SEC14L5: variants seen among roughly 807,000 people sequenced by gnomAD.
The protein encoded by SEC14L5 is SEC14 like lipid binding 5.
SEC14L5 carries 96 observed loss-of-function variants against 84.6 expected under a neutral mutation model. The ratio of observed to expected loss-of-function variants is 1.13; its 90% CI spans 0.96 to 1.34. The LOEUF (loss-of-function observed/expected upper bound fraction) is 1.34. Among genes scored for constraint, SEC14L5 ranks in the 40% most tolerant of loss-of-function variants. The pLI is 0.00. For synonymous variants in SEC14L5, 546 were observed against 383.4 expected (o/e 1.42, Z -4.95); for missense variants, 1,224 against 942.5 (o/e 1.30, Z -3.91).
At chr16:4,992,491 A>T (rs1053786809) in intron 6 of SEC14L5, among the ~76,000 whole-genome samples, 5 of 152,174 alleles carry the variant, frequency 3.3e-5, no homozygotes, top group Non-Finnish European at 7.3e-5. Flanking sequence ...AGCTCAAGTG[A>T]TCTGCTTGCC....
In SEC14L5 at chr16:4,987,552, C is replaced by G; in HGVS notation, c.64-5C>G. 6.5e-7 allele frequency: 1 copy of G among 1,549,156 alleles called. No homozygotes were observed. Among genetic ancestry groups the G allele is most frequent in the Non-Finnish European group, 8.7e-7 (1 of 1,147,510 alleles). On this transcript the variant is annotated splice_polypyrimidine_tract_variant and splice_region_variant and intron_variant, in intron 2 of 15. Transcript: ENST00000251170. ...CACGGCCGCTCACTGCCGCTCTGCC[C>G]CCAGGCCTACGAGAAGCGTTTCCCC...
rs912142180 is a variant in SEC14L5 at position 5,015,856 on chromosome 16, A to T, written c.*886A>T. ...TCCCTGCACTTGGCCAGCATGGCCT[A>T]AGCCTGACCATCCCTGATTGGAGAG... On this transcript the variant is annotated 3_prime_UTR_variant, in exon 16 of 16. Transcript: ENST00000251170. 2.8e-4 allele frequency: 43 copies of T among 152,286 alleles called. No individual in the cohort carries two copies. Among genetic ancestry groups the T allele is most frequent in the African/African-American group, 1.0e-3 (42 of 41,464 alleles). 9.4% of individuals were successfully genotyped at this position (152,286 alleles called of 1,614,324 possible).
intron 6 of SEC14L5, among the ~76,000 whole-genome samples, chr16:4,996,000 G>A (rs538140545): frequency 2.6e-5 from 4 of 152,114 alleles, no homozygotes; most frequent in African/African-American, 9.7e-5. Flanking sequence ...AGTGAGACCA[G>A]GTGGCTTCTG....
Position 4,996,898 on chromosome 16 carries a change from A to T in SEC14L5, c.824A>T (p.Asp275Val). ...ATCCTTCGGTTCCTGCGGGCTCATG[A>T]CTTCCACCTGGACAAGGCCCGGGAA... The part of the protein sequence containing the change: ...EHILRFLRAH[D>V]FHLDKAREML... Residue 275 changes from aspartate (D) to valine (V), a missense_variant, in exon 8 of 16, where the codon GAC (aspartate) becomes GTC (valine). By Grantham distance (152) the Asp-to-Val change is radical (BLOSUM62 -3). Coordinates refer to ENST00000251170, the MANE Select transcript of SEC14L5 (RefSeq NM_014692.2). The T allele has an allele frequency of 6.2e-7, 1 of 1,613,614 alleles. No homozygotes were observed. Among genetic ancestry groups the T allele is most frequent in the Non-Finnish European group, 8.5e-7 (1 of 1,179,768 alleles).
At chr16:5,001,513 C>A (rs749154548) in intron 10 of SEC14L5, among the ~76,000 whole-genome samples, 2 of 152,136 alleles carry the variant, frequency 1.3e-5, no homozygotes, top group South Asian at 2.1e-4. Flanking sequence ...CCTGCCTCGG[C>A]CTCCCAAAGT....
chr16:4,997,970 A>G (rs1264667458), intron 8 of SEC14L5, among the ~76,000 whole-genome samples: 6 of 148,988 alleles, frequency 4.0e-5, no homozygotes, highest in Non-Finnish European at 5.9e-5. Flanking sequence ...ATCCTTAACT[A>G]ATTAACTAAT....
intron 2 of SEC14L5, among the ~76,000 whole-genome samples, chr16:4,980,357 G>C (rs1001242587): frequency 6.6e-6 from 1 of 152,140 alleles, no homozygotes; most frequent in African/African-American, 2.4e-5. Flanking sequence ...TCCTTTCGAA[G>C]TCAGAGAAAG....
At chr16:5,011,039 C>T (rs1955793726) in intron 14 of SEC14L5, 56 bp from the exon 15 acceptor site, 3 of 1,516,076 alleles carry the variant, frequency 2.0e-6, no homozygotes, top group Admixed American at 4.0e-5. Context: ...GGCTCAGCCT[C>T]CTTGACCTGT....
At chr16:5,011,045 C>T (rs1319744587) in intron 14 of SEC14L5, 50 bp from the exon 15 acceptor site, 1 of 1,530,898 alleles carries the variant, frequency 6.5e-7, no homozygotes, top group Non-Finnish European at 8.8e-7. Context: ...GCCTCCTTGA[C>T]CTGTCCTCTG....
intron 2 of SEC14L5, among the ~76,000 whole-genome samples, chr16:4,984,065 C>A (rs1368716664): frequency 2.0e-5 from 3 of 152,062 alleles, no homozygotes; most frequent in Non-Finnish European, 4.4e-5. Flanking sequence ...GCACATAATT[C>A]AGTGGCTTTC....
chr16:4,982,731 C>T (rs927206210), intron 2 of SEC14L5, among the ~76,000 whole-genome samples: 3 of 152,176 alleles, frequency 2.0e-5, no homozygotes, highest in African/African-American at 4.8e-5. Flanking sequence ...CTCCAGCACC[C>T]ACAGCAGTTT....
chr16:4,983,320 T>G (rs1037056722), intron 2 of SEC14L5, among the ~76,000 whole-genome samples: 1 of 151,642 alleles, frequency 6.6e-6, no homozygotes, highest in Admixed American at 6.6e-5. Context: ...AGCATGCCCA[T>G]ATATTTATAT....
intron 2 of SEC14L5, among the ~76,000 whole-genome samples, chr16:4,974,442 G>A (rs761220744): frequency 8.6e-5 from 13 of 152,018 alleles, no homozygotes; most frequent in East Asian, 1.9e-4. Context: ...GGGCTTAAGC[G>A]ATTCTCCGAC....
chr16:4,965,871 A>C (rs912699947), intron 2 of SEC14L5, among the ~76,000 whole-genome samples: 2 of 151,558 alleles, frequency 1.3e-5, no homozygotes, highest in African/African-American at 4.9e-5. Flanking sequence ...GGGAGTCCCC[A>C]TCTCTACCAA....
Position 5,005,926 on chromosome 16 carries a change from A to G in SEC14L5, c.1315A>G (p.Ile439Val). The G allele has an allele frequency of 6.3e-7, 1 of 1,594,286 alleles. No individual in the cohort carries two copies. Among genetic ancestry groups the G allele is most frequent in the Non-Finnish European group, 8.5e-7 (1 of 1,170,518 alleles). The change falls in exon 12 of 16, where the codon ATC becomes GTC. Residue 439 changes from isoleucine (I) to valine (V), a missense_variant. By Grantham distance (29) the Ile-to-Val change is conservative (BLOSUM62 3). Coordinates refer to ENST00000251170, the MANE Select transcript of SEC14L5 (RefSeq NM_014692.2). ...GTCCTGGTTTCAGATCAGCCCCTTC[A>G]TCAATGAGAACACCAGGCGGAAGTT... ...PVLWTLISPF[I>V]NENTRRKFLI...
In SEC14L5 at chr16:5,015,073, C is replaced by T. The variant is rs546577953; in HGVS notation, c.*103C>T. On this transcript the variant is annotated 3_prime_UTR_variant, in exon 16 of 16. Coordinates refer to ENST00000251170, the MANE Select transcript of SEC14L5 (RefSeq NM_014692.2). Reference sequence around the variant, plus strand: ...GGGCCTGGGACCATGTGGGCTGGAGCCCCAGGCCTAGATGCTGCCCAAGTT... The same window carrying T: ...GGGCCTGGGACCATGTGGGCTGGAGTCCCAGGCCTAGATGCTGCCCAAGTT... 8.8e-5 allele frequency: 80 copies of T among 908,700 alleles called. No homozygotes were observed. In the African/African-American group the frequency reaches 9.8e-4, roughly 11 times the overall value. 56.3% of individuals were successfully genotyped at this position (908,700 alleles called of 1,614,324 possible).
At chr16:4,995,785 C>G (rs944362668) in intron 6 of SEC14L5, among the ~76,000 whole-genome samples, 1 of 152,036 alleles carries the variant, frequency 6.6e-6, no homozygotes, top group Non-Finnish European at 1.5e-5. Flanking sequence ...TGCCACCACG[C>G]CTGGCTAATT....
At chr16:4,965,660 CAAAAAAAAAA>C (rs34483309) in intron 2 of SEC14L5, among the ~76,000 whole-genome samples, 5 of 53,108 alleles carry the variant, frequency 9.4e-5, no homozygotes, top group East Asian at 9.6e-4. Context: ...GACTCCATCT[CAAAAAAAAAA>C]AAAAAAAAAA....
At chr16:4,987,961 G>T (rs1467142135) in intron 3 of SEC14L5, among the ~76,000 whole-genome samples, 188 bp from the exon 4 acceptor site, 1 of 152,084 alleles carries the variant, frequency 6.6e-6, no homozygotes, top group Non-Finnish European at 1.5e-5. Context: ...GCTGGGTGGT[G>T]AAGATGGGTT....
Sources: allele counts gnomAD v4.1 joint callset (sites outside exome capture counted in the v4.1 genomes callset), GRCh38; gene constraint gnomAD v4.1.1; transcripts MANE v1.5; gene names NCBI Gene and HGNC (gene_info 2026-07-23, HGNC 2026-07-21).